NEK1: variants seen among roughly 807,000 people sequenced by gnomAD.
NEK1 encodes NIMA related kinase 1, also known as serine/threonine-protein kinase Nek1.
In NEK1, 137 loss-of-function variants were observed where a neutral mutation model predicts 182.1. The ratio of observed to expected loss-of-function variants is 0.75; its 90% confidence interval spans 0.65 to 0.87. NEK1 has a LOEUF of 0.87. Ranked by LOEUF, NEK1 falls within the 40% of genes least tolerant of loss-of-function variation. The pLI is 0.00. For missense variants in NEK1, 1,391 were observed against 1,494.4 expected, an observed-to-expected ratio of 0.93 and a Z score of 1.14; for synonymous variants, 513 against 492.2, an observed-to-expected ratio of 1.04 and a Z score of -0.56.
At chr4:169,407,261 T>C (rs959805060) in intron 31 of NEK1, among the ~76,000 whole-genome samples, 1 of 152,200 alleles carries the variant, frequency 6.6e-6, no homozygotes, top group Non-Finnish European at 1.5e-5. Flanking sequence ...GCCCAAATGC[T>C]GCAGCATGTT....
chr4:169,450,642 G>C (rs1445167484), intron 27 of NEK1, among the ~76,000 whole-genome samples: 2 of 150,444 alleles, frequency 1.3e-5, no homozygotes, highest in Non-Finnish European at 3.0e-5. Context: ...GGGATTACAA[G>C]AGCTCCTGAA....
chr4:169,432,941 T>C (rs1374896387), intron 29 of NEK1, among the ~76,000 whole-genome samples: 1 of 152,136 alleles, frequency 6.6e-6, no homozygotes, highest in Non-Finnish European at 1.5e-5. Flanking sequence ...GCCTGGCTAA[T>C]TTTTGTAGAG....
intron 23 of NEK1, among the ~76,000 whole-genome samples, chr4:169,481,667 T>C (rs1201831353): frequency 6.6e-6 from 1 of 152,172 alleles, no homozygotes; most frequent in Non-Finnish European, 1.5e-5. Flanking sequence ...TGTTAACAGA[T>C]GTGCAGTCAT....
intron 19 of NEK1, among the ~76,000 whole-genome samples, chr4:169,515,596 C>A (rs1755072137): frequency 1.5e-5 from 2 of 131,432 alleles, no homozygotes; most frequent in Non-Finnish European, 3.2e-5. Context: ...TGGTGCGCTG[C>A]ACCCACTAAT....
intron 16 of NEK1, among the ~76,000 whole-genome samples, chr4:169,557,601 T>A (rs1762338444): frequency 6.6e-6 from 1 of 152,008 alleles, no homozygotes; most frequent in Admixed American, 6.6e-5. Flanking sequence ...AGGGAAAACT[T>A]CCAGGTGATA....
intron 9 of NEK1, among the ~76,000 whole-genome samples, chr4:169,587,188 T>C (rs965280127): frequency 6.6e-6 from 1 of 151,966 alleles, no homozygotes; most frequent in African/African-American, 2.4e-5. Flanking sequence ...TTCTTTAAAT[T>C]AGTTCAATTC....
chr4:169,483,396 C>T (rs1440674709), intron 23 of NEK1, among the ~76,000 whole-genome samples: 1 of 152,150 alleles, frequency 6.6e-6, no homozygotes, highest in African/African-American at 2.4e-5. Flanking sequence ...GAAAATGACA[C>T]TGATAGACTT....
intron 23 of NEK1, among the ~76,000 whole-genome samples, chr4:169,492,880 C>A (rs1750374260): frequency 6.6e-6 from 1 of 152,182 alleles, no homozygotes; most frequent in African/African-American, 2.4e-5. Flanking sequence ...AATGTGGGTG[C>A]AGCACTAACC....
Position 169,401,761 on chromosome 4 carries a change from C to T in NEK1, c.3474G>A (p.Glu1158=), listed in dbSNP as rs758717476. 2.5e-6 allele frequency: 4 copies of T among 1,613,924 alleles called. No individual in the cohort carries two copies. In the East Asian group the frequency reaches 6.7e-5, roughly 27 times the overall value. ...QPGEEYSEEE[E]SVLKNSDVEP... ...CCACATCACTGTTCTTCAAGACTGA[C>T]TCTTCTTCTTCACTGTATTCTTCAC... is the stretch of plus-strand genomic sequence containing the variant. Residue 1158 remains glutamate (E), a synonymous_variant, in exon 33 of 36, where the codon GAG becomes GAA. Coordinates refer to ENST00000507142, the MANE Select transcript of NEK1 (RefSeq NM_001199397.3).
intron 19 of NEK1, among the ~76,000 whole-genome samples, chr4:169,522,843 C>T (rs1756307510): frequency 6.6e-6 from 1 of 152,134 alleles, no homozygotes; most frequent in Non-Finnish European, 1.5e-5. Flanking sequence ...TTTTCCAGTC[C>T]TTTGGTGAGT....
At chr4:169,561,067 G>T (rs1275905879) in intron 16 of NEK1, among the ~76,000 whole-genome samples, 1 of 152,160 alleles carries the variant, frequency 6.6e-6, no homozygotes, top group Admixed American at 6.5e-5. Context: ...AGAGCATACA[G>T]TATGTGGTAG....
chr4:169,494,244 C>A (rs557378459), intron 23 of NEK1, among the ~76,000 whole-genome samples: 24 of 152,220 alleles, frequency 1.6e-4, no homozygotes, highest in Non-Finnish European at 2.8e-4. Context: ...GCTATCCCTC[C>A]CCACTACCCC....
At chr4:169,605,946 C>A (rs1402884455) in intron 2 of NEK1, among the ~76,000 whole-genome samples, 1 of 152,042 alleles carries the variant, frequency 6.6e-6, no homozygotes, top group Non-Finnish European at 1.5e-5. Flanking sequence ...ACAAGACTAG[C>A]TACATAATCA....
At chr4:169,480,331 T>C (rs1747745078) in intron 23 of NEK1, among the ~76,000 whole-genome samples, 1 of 152,084 alleles carries the variant, frequency 6.6e-6, no homozygotes, top group African/African-American at 2.4e-5. Context: ...TCTGAGATAT[T>C]ACGCACTTGG....
intron 5 of NEK1, among the ~76,000 whole-genome samples, chr4:169,595,228 C>A (rs924626759): frequency 2.6e-5 from 4 of 151,984 alleles, no homozygotes; most frequent in Non-Finnish European, 5.9e-5. Context: ...GATCCAAGAT[C>A]AAGAATTACT....
chr4:169,513,787 T>C (rs1208747986), intron 19 of NEK1, among the ~76,000 whole-genome samples: 1 of 152,142 alleles, frequency 6.6e-6, no homozygotes, highest in African/African-American at 2.4e-5. Context: ...GAATGGGTGC[T>C]GATTTTTTTC....
rs1753711840 is a variant in NEK1 at position 169,508,699 on chromosome 4, T to C, written c.1749+70A>G. 6 of 1,167,548 alleles carry C rather than the reference T, an allele frequency of 5.1e-6. No individual in the cohort carries two copies. The East Asian group carries it at 7.8e-5, about 15-fold the overall frequency. The allele number at this position is 1,167,548 out of a possible 1,614,324, so 72.3% of individuals were successfully genotyped here. On this transcript the variant is annotated intron_variant, in intron 20 of 35. Coordinates refer to ENST00000507142, the MANE Select transcript of NEK1 (RefSeq NM_001199397.3). ...AAATAATTGTTAAGAATTTAAACCA[T>C]GCAAGAAAAGAAGGCAATAAATTCA...
chr4:169,525,342 C>T (rs901815689), intron 19 of NEK1, among the ~76,000 whole-genome samples: 1 of 151,944 alleles, frequency 6.6e-6, no homozygotes, highest in African/African-American at 2.4e-5. Flanking sequence ...TTTGGCCAGG[C>T]GGGTCTCGAA....
Position 169,580,699 on chromosome 4 carries a change from A to T in NEK1, c.868+143T>A, listed in dbSNP as rs7665092. The T allele has an allele frequency of 0.21, 119,111 of 580,124 alleles. 16,605 individuals carry two copies. The highest frequency in any genetic ancestry group is 0.57 in the African/African-American group (29,422 of 51,240). The allele number at this position is 580,124 out of a possible 1,614,324, so 35.9% of individuals were successfully genotyped here. A position where few individuals can be genotyped will look rare whatever the true frequency, so the allele number is the denominator to read the frequency against. On this transcript the variant is annotated intron_variant, in intron 11 of 35. Coordinates refer to ENST00000507142, the MANE Select transcript of NEK1 (RefSeq NM_001199397.3). Reference sequence around the variant, plus strand: ...ATAAGAAACTGTATATTGCCATAAAACATTAATAATTCTAAGGTGCATTTT... The same window carrying T: ...ATAAGAAACTGTATATTGCCATAAATCATTAATAATTCTAAGGTGCATTTT...
Sources: gnomAD v4.1 joint callset for allele counts (sites outside exome capture counted in the v4.1 genomes callset) on GRCh38, gnomAD v4.1.1 for gene constraint, MANE v1.5 for transcripts, NCBI Gene and HGNC (gene_info 2026-07-23, HGNC 2026-07-21) for gene names.